The following NCOA2 variants were observed in gnomAD, a reference collection of about 807,000 sequenced individuals.
NCOA2 encodes class E basic helix-loop-helix protein 75.
In NCOA2, 21 loss-of-function variants were observed where a neutral mutation model predicts 145.1. The observed-to-expected ratio is 0.14, with a 90% confidence interval of 0.10 to 0.21. NCOA2 has a LOEUF of 0.21. Ranked by LOEUF, NCOA2 falls within the 10% of genes least tolerant of loss-of-function variation. The pLI is 1.00. For synonymous variants in NCOA2, 619 were observed against 637.5 expected (o/e 0.97, Z 0.44); for missense variants, 1,472 against 1,837.6 (o/e 0.80, Z 3.64).
At chr8:70,315,977 A>G (rs1805556799) in intron 1 of NCOA2, among the ~76,000 whole-genome samples, 4 of 152,232 alleles carry the variant, frequency 2.6e-5, no homozygotes, top group Admixed American at 2.6e-4. Context: ...TTAATAGATG[A>G]CGGAACTTCT....
At chr8:70,415,752 A>C in the NCOA2 span, among the ~76,000 whole-genome samples, 1 of 152,164 alleles carries the variant, frequency 6.6e-6, no homozygotes, top group African/African-American at 2.4e-5. Context: ...ACCTAAGTGT[A>C]TTTTATCTAC....
At position 70,199,451 on chromosome 8, in the gene NCOA2, CAAAA is replaced by C. The variant is rs1181856736; in HGVS notation, c.259+14448_259+14451del. ...GGGTTGTCAGAGTGAGACTCCATCTCAAAAAAAAAAAAAAAAAAAAGTAGAGAGG... is the reference window on the plus strand; with the variant it reads ...GGGTTGTCAGAGTGAGACTCCATCTCAAAAAAAAAAAAAAAAGTAGAGAGG... On this transcript the variant is annotated intron_variant, in intron 4 of 22. Transcript: ENST00000452400. Among the ~76,000 whole-genome samples the C allele has an allele frequency of 1.7e-4, 13 of 76,104 alleles. No homozygotes were observed. In the East Asian group the frequency reaches 4.4e-3, roughly 26 times the overall value. 49.9% of individuals were successfully genotyped at this position (76,104 alleles called of 152,430 possible).
chr8:70,256,354 A>C (rs1823634290), intron 2 of NCOA2, among the ~76,000 whole-genome samples: 1 of 152,218 alleles, frequency 6.6e-6, no homozygotes, highest in African/African-American at 2.4e-5. Flanking sequence ...TGCTAGTAGT[A>C]AGTGAATCTT....
At chr8:70,145,085 A>G (rs1331194928) in intron 12 of NCOA2, among the ~76,000 whole-genome samples, 1 of 152,214 alleles carries the variant, frequency 6.6e-6, no homozygotes, top group African/African-American at 2.4e-5. Flanking sequence ...AAACAAACAC[A>G]TGTATATTAT....
intron 1 of NCOA2, among the ~76,000 whole-genome samples, chr8:70,335,152 AAGATC>A (rs1563776035): frequency 1.4e-5 from 2 of 142,012 alleles, no homozygotes; most frequent in East Asian, 2.0e-4. Flanking sequence ...AAAAAAAAAA[AAGATC>A]TCTCCCTATG....
the NCOA2 span, among the ~76,000 whole-genome samples, chr8:70,438,379 T>C: frequency 3.0e-4 from 45 of 152,336 alleles, no homozygotes; most frequent in Middle Eastern, 3.4e-3. Flanking sequence ...CATTTCATTC[T>C]TTTTTCTTCC....
At chr8:70,451,507 C>G in the NCOA2 span, among the ~76,000 whole-genome samples, 1 of 151,704 alleles carries the variant, frequency 6.6e-6, no homozygotes. Flanking sequence ...GTACACAAAT[C>G]CTTTCATTTA....
intron 2 of NCOA2, among the ~76,000 whole-genome samples, chr8:70,232,256 C>T (rs1821204621): frequency 6.6e-6 from 1 of 152,174 alleles, no homozygotes; most frequent in Non-Finnish European, 1.5e-5. Context: ...AGTTCTCTTT[C>T]ACACCACCCT....
the NCOA2 span, among the ~76,000 whole-genome samples, chr8:70,456,384 G>GA: frequency 1.3e-5 from 2 of 152,164 alleles, no homozygotes; most frequent in South Asian, 4.1e-4. Context: ...TGTTATTGGG[G>GA]ACCAACCTTC....
chr8:70,282,202 G>C (rs184954337), intron 2 of NCOA2, among the ~76,000 whole-genome samples: 1 of 152,098 alleles, frequency 6.6e-6, no homozygotes, highest in Admixed American at 6.5e-5. Flanking sequence ...TCTCAATATG[G>C]GGTTCATGTT....
At chr8:70,449,498 G>T in the NCOA2 span, among the ~76,000 whole-genome samples, 3 of 152,244 alleles carry the variant, frequency 2.0e-5, no homozygotes, top group Non-Finnish European at 2.9e-5. Context: ...CCCCTTGTAG[G>T]TCCTGAAGGA....
intron 1 of NCOA2, among the ~76,000 whole-genome samples, chr8:70,400,040 G>A (rs1272862338): frequency 6.6e-6 from 1 of 152,074 alleles, no homozygotes; most frequent in Non-Finnish European, 1.5e-5. Flanking sequence ...AGACAACTAA[G>A]GAGCATTACC....
At chr8:70,375,144 C>T (rs1189398093) in intron 1 of NCOA2, among the ~76,000 whole-genome samples, 1 of 152,092 alleles carries the variant, frequency 6.6e-6, no homozygotes, top group African/African-American at 2.4e-5. Context: ...ATTTTATATA[C>T]ATCTATTAAT....
At chr8:70,284,035 T>C (rs1385342768) in intron 2 of NCOA2, among the ~76,000 whole-genome samples, 1 of 152,156 alleles carries the variant, frequency 6.6e-6, no homozygotes, top group African/African-American at 2.4e-5. Context: ...CCCTCCATGT[T>C]AGAAACAGCC....
chr8:70,320,935 G>A (rs926665313), intron 1 of NCOA2, among the ~76,000 whole-genome samples: 10 of 152,236 alleles, frequency 6.6e-5, no homozygotes, highest in Admixed American at 2.0e-4. Flanking sequence ...ATAACTTTCT[G>A]TATTTGCCTT....
intron 2 of NCOA2, among the ~76,000 whole-genome samples, chr8:70,271,603 A>G (rs1825051388): frequency 6.6e-6 from 1 of 152,222 alleles, no homozygotes; most frequent in Non-Finnish European, 1.5e-5. Flanking sequence ...AATGCTTTCC[A>G]GAGCTTACAT....
intron 2 of NCOA2, among the ~76,000 whole-genome samples, chr8:70,276,046 A>C (rs1380757609): frequency 6.6e-6 from 1 of 152,220 alleles, no homozygotes; most frequent in Non-Finnish European, 1.5e-5. Flanking sequence ...ATGATTCCCT[A>C]ATTATCAGAG....
chr8:70,314,107 G>A (rs560352369), intron 1 of NCOA2, among the ~76,000 whole-genome samples: 50 of 144,280 alleles, frequency 3.5e-4, no homozygotes, highest in African/African-American at 1.2e-3. Flanking sequence ...GTGAACCTGG[G>A]AGGCAGAGCT....
At chr8:70,286,466 G>A (rs1318438379) in intron 2 of NCOA2, among the ~76,000 whole-genome samples, 1 of 152,164 alleles carries the variant, frequency 6.6e-6, no homozygotes. Flanking sequence ...AACTTTTCAA[G>A]AGACTTAACC....
Sources: allele counts gnomAD v4.1 joint callset (sites outside exome capture counted in the v4.1 genomes callset), GRCh38; gene constraint gnomAD v4.1.1; transcripts MANE v1.5; gene names NCBI Gene and HGNC (gene_info 2026-07-23, HGNC 2026-07-21).